The following EDIL3 variants were observed in gnomAD, a reference collection of about 807,000 sequenced individuals.
EDIL3 encodes the protein EGF-like repeat and discoidin I-like domain-containing protein 3.
A neutral mutation model predicts 67.4 loss-of-function variants in EDIL3; 37 were observed. That is an observed-to-expected ratio of 0.55 (90% CI 0.42 to 0.72). EDIL3 has a LOEUF of 0.72. Ranked by LOEUF, EDIL3 falls within the 30% of genes least tolerant of loss-of-function variation. The probability of loss-of-function intolerance (pLI) is 0.00; values close to 1 mark genes in which losing one functional copy is unlikely to be tolerated. For missense variants in EDIL3, 527 were observed against 586.3 expected, an observed-to-expected ratio of 0.90 and a Z score of 1.04; for synonymous variants, 195 against 196.3, an observed-to-expected ratio of 0.99 and a Z score of 0.05.
At chr5:84,381,633 C>A (rs2112225557) in intron 1 of EDIL3, among the ~76,000 whole-genome samples, 1 of 152,180 alleles carries the variant, frequency 6.6e-6, no homozygotes, top group East Asian at 1.9e-4. Flanking sequence ...GCCAATGATT[C>A]ATAGTATTTA....
intron 6 of EDIL3, among the ~76,000 whole-genome samples, chr5:84,069,597 T>C (rs1405314849): frequency 6.6e-6 from 1 of 152,178 alleles, no homozygotes; most frequent in Non-Finnish European, 1.5e-5. Flanking sequence ...GCATTTTCTT[T>C]ACATCTTCTG....
At chr5:84,003,894 G>A (rs60886352) in intron 9 of EDIL3, among the ~76,000 whole-genome samples, 8,304 of 151,782 alleles carry the variant, frequency 0.055, 466 homozygotes, top group South Asian at 0.14. Context: ...GGATAAAGGC[G>A]AGGACCCAAA....
At chr5:84,275,230 C>T (rs1388857951) in intron 1 of EDIL3, among the ~76,000 whole-genome samples, 1 of 152,164 alleles carries the variant, frequency 6.6e-6, no homozygotes, top group Non-Finnish European at 1.5e-5. Context: ...AGTGCTAAGG[C>T]AAGACTAGAA....
chr5:84,061,498 G>C lies in EDIL3; in HGVS notation c.953-1014C>G, dbSNP rs575801563. Among the ~76,000 whole-genome samples the C allele has an allele frequency of 2.0e-5, 3 of 152,190 alleles. No individual in the cohort carries two copies. In the South Asian group the frequency reaches 6.2e-4, roughly 32 times the overall value. On this transcript the variant is annotated intron_variant, in intron 8 of 10. Coordinates refer to ENST00000296591, the MANE Select transcript of EDIL3 (RefSeq NM_005711.5). The stretch of plus-strand genomic sequence containing the variant: ...TAAATTTTGGTCAAGTAACTCACAA[G>C]GTAAGTTTGATCATCAAAGAAACAA...
chr5:83,994,215 A>T (rs1335865161), intron 9 of EDIL3, among the ~76,000 whole-genome samples: 1 of 152,196 alleles, frequency 6.6e-6, no homozygotes, highest in African/African-American at 2.4e-5. Context: ...TTTATAAGGT[A>T]CTTTCAGATA....
intron 4 of EDIL3, among the ~76,000 whole-genome samples, chr5:84,152,547 C>T (rs1294107260): frequency 6.6e-6 from 1 of 152,144 alleles, no homozygotes; most frequent in Non-Finnish European, 1.5e-5. Flanking sequence ...TGTTTAGTTC[C>T]TTTTAATAAA....
At chr5:84,232,401 A>AC (rs1486408869) in intron 2 of EDIL3, among the ~76,000 whole-genome samples, 1 of 59,834 alleles carries the variant, frequency 1.7e-5, no homozygotes, top group African/African-American at 6.4e-5. Flanking sequence ...AGTGATGTCT[A>AC]AGAAGGAAGA....
chr5:83,988,790 G>A (rs534444157), intron 9 of EDIL3, among the ~76,000 whole-genome samples: 1 of 152,106 alleles, frequency 6.6e-6, no homozygotes, highest in East Asian at 1.9e-4. Context: ...TTCCTAAAGA[G>A]CAACATAAGC....
chr5:84,040,482 T>C (rs1164919635), intron 9 of EDIL3, among the ~76,000 whole-genome samples: 2 of 149,196 alleles, frequency 1.3e-5, no homozygotes, highest in African/African-American at 4.9e-5. Flanking sequence ...CATAATTTAA[T>C]TATATATATA....
chr5:84,131,637 A>C (rs1747968652), intron 5 of EDIL3, among the ~76,000 whole-genome samples: 1 of 152,208 alleles, frequency 6.6e-6, no homozygotes, highest in Non-Finnish European at 1.5e-5. Flanking sequence ...AGTAAAGAGT[A>C]TCTAGTACAA....
chr5:84,326,061 T>C (rs2112160468), intron 1 of EDIL3, among the ~76,000 whole-genome samples: 1 of 152,222 alleles, frequency 6.6e-6, no homozygotes, highest in Non-Finnish European at 1.5e-5. Flanking sequence ...CATGAAATTC[T>C]TAATGTCATT....
At chr5:84,190,577 GTGTATA>G (rs1279004285) in intron 3 of EDIL3, among the ~76,000 whole-genome samples, 5 of 61,802 alleles carry the variant, frequency 8.1e-5, no homozygotes, top group Admixed American at 1.4e-4. Context: ...GTGTGTGTGT[GTGTATA>G]TATATATATA....
chr5:84,229,985 C>A, intron 2 of EDIL3, 101 bp from the exon 3 acceptor site: 1 of 1,100,398 alleles, frequency 9.1e-7, no homozygotes, highest in Non-Finnish European at 1.3e-6. Flanking sequence ...TGAGATTGAA[C>A]ATAAATATAT....
chr5:83,983,742 C>CTTT (rs550782079), intron 9 of EDIL3, among the ~76,000 whole-genome samples: 4,666 of 126,852 alleles, frequency 0.037, 317 homozygotes, highest in African/African-American at 0.13. Flanking sequence ...CAGGGACTTT[C>CTTT]TTTTTTTTTT....
In EDIL3 at chr5:84,319,420, C is replaced by T. The variant is rs748136501; in HGVS notation, c.67+64888G>A. 7.9e-4 allele frequency among the ~76,000 whole-genome samples: 73 copies of T among 92,062 alleles called. 16 individuals are homozygous for T. The highest frequency in any genetic ancestry group is 3.9e-3 in the Admixed American group (35 of 8,934). 60.4% of individuals were successfully genotyped at this position (92,062 alleles called of 152,430 possible). ...CGGAGCTTGCAGTGAGCGGAGATCG[C>T]GCCACAGCACTCCCGCCTGGGCGAC... On this transcript the variant is annotated intron_variant, in intron 1 of 10. Transcript: ENST00000296591.
chr5:84,304,934 A>G (rs139535693), intron 1 of EDIL3, among the ~76,000 whole-genome samples: 1 of 152,372 alleles, frequency 6.6e-6, no homozygotes, highest in East Asian at 1.9e-4. Context: ...ATAAGTAAGT[A>G]GAATCTTCAT....
chr5:84,291,568 A>T (rs1745915478), intron 1 of EDIL3, among the ~76,000 whole-genome samples: 1 of 151,548 alleles, frequency 6.6e-6, no homozygotes, highest in African/African-American at 2.4e-5. Flanking sequence ...AAATTGATAC[A>T]AAGATTATAA....
At chr5:84,119,652 A>T (rs1047449390) in intron 5 of EDIL3, among the ~76,000 whole-genome samples, 6 of 152,064 alleles carry the variant, frequency 3.9e-5, no homozygotes, top group Non-Finnish European at 8.8e-5. Context: ...TCATATTAAC[A>T]CTTTGATAAA....
intron 5 of EDIL3, among the ~76,000 whole-genome samples, chr5:84,121,675 C>T (rs1747778538): frequency 6.6e-6 from 1 of 151,652 alleles, no homozygotes; most frequent in Admixed American, 6.6e-5. Context: ...AAACTGCAAA[C>T]CTTAGACTGA....
Sources: gnomAD v4.1 joint callset for allele counts (sites outside exome capture counted in the v4.1 genomes callset) on GRCh38, gnomAD v4.1.1 for gene constraint, MANE v1.5 for transcripts, NCBI Gene and HGNC (gene_info 2026-07-23, HGNC 2026-07-21) for gene names.